NUP62CL: variants seen among roughly 807,000 people sequenced by gnomAD.
The protein encoded by NUP62CL is nucleoporin-62 C-terminal-like protein.
In NUP62CL, 13 loss-of-function variants were observed where a neutral mutation model predicts 15.3. The observed-to-expected ratio is 0.85, with a 90% CI of 0.55 to 1.35. NUP62CL has a LOEUF of 1.35. NUP62CL is among the 40% of genes most tolerant of loss of function. The probability of loss-of-function intolerance (pLI) is 0.00; values close to 1 mark genes in which losing one functional copy is unlikely to be tolerated. For missense variants in NUP62CL, 123 were observed against 130.6 expected, an observed-to-expected ratio of 0.94 and a Z score of 0.28; for synonymous variants, 54 against 49.2, an observed-to-expected ratio of 1.10 and a Z score of -0.41.
intron 2 of NUP62CL, among the ~76,000 whole-genome samples, chrX:107,179,976 CTCTG>C (rs774887670): frequency 5.6e-4 from 46 of 82,498 alleles, no homozygotes; most frequent in Admixed American, 1.1e-3. Context: ...CATTTTTTCT[CTCTG>C]TCTATGTCTC....
chrX:107,127,008 T>C (rs1299721706), intron 8 of NUP62CL, among the ~76,000 whole-genome samples: 2 of 109,477 alleles, frequency 1.8e-5, no homozygotes, highest in South Asian at 7.9e-4. Context: ...CACTCCAGTC[T>C]GGGTGACGAG....
At chrX:107,127,305 T>C (rs935150443) in intron 8 of NUP62CL, among the ~76,000 whole-genome samples, 2 of 111,500 alleles carry the variant, frequency 1.8e-5, no homozygotes, top group African/African-American at 6.5e-5. Context: ...GGGATAGAAA[T>C]GGGGAATAAC....
intron 8 of NUP62CL, among the ~76,000 whole-genome samples, chrX:107,142,263 T>A (rs1925788172): frequency 9.0e-6 from 1 of 110,851 alleles, no homozygotes; most frequent in Admixed American, 9.6e-5. Flanking sequence ...GTTAGTCAAA[T>A]CATGAGAGAC....
chrX:107,156,324 G>T (rs1384269826), intron 4 of NUP62CL, among the ~76,000 whole-genome samples: 1 of 103,987 alleles, frequency 9.6e-6, no homozygotes, highest in Non-Finnish European at 2.0e-5. Context: ...ACCTCTGGGG[G>T]CAGGGCACAG....
chrX:107,129,379 C>T (rs940028789), intron 8 of NUP62CL, among the ~76,000 whole-genome samples: 17 of 111,697 alleles, frequency 1.5e-4, no homozygotes, highest in African/African-American at 5.5e-4. Context: ...AGAGGGTGAA[C>T]CAAATAAGCT....
intron 8 of NUP62CL, among the ~76,000 whole-genome samples, chrX:107,144,691 T>C (rs1406813136): frequency 8.9e-6 from 1 of 111,907 alleles, no homozygotes; most frequent in Admixed American, 9.5e-5. Context: ...GAGTGTTTTC[T>C]AGTTACTGAC....
chrX:107,204,777 A>AATAAATTTTAAATAAATTATTTAT (rs2147821523), intron 1 of NUP62CL, among the ~76,000 whole-genome samples: 1 of 68,556 alleles, frequency 1.5e-5, no homozygotes, highest in Non-Finnish European at 2.6e-5. Context: ...AAATTATTTA[A>AATAAATTTTAAATAAATTATTTAT]ATAAATTTTA....
At chrX:107,141,920 T>G (rs1031121711) in intron 8 of NUP62CL, among the ~76,000 whole-genome samples, 1 of 108,749 alleles carries the variant, frequency 9.2e-6, no homozygotes, top group East Asian at 2.9e-4. Context: ...ATTAGCCGGG[T>G]ATGGTGGTGC....
At chrX:107,188,521 A>C (rs1927128624) in intron 2 of NUP62CL, among the ~76,000 whole-genome samples, 2 of 110,234 alleles carry the variant, frequency 1.8e-5, no homozygotes, top group South Asian at 8.0e-4. Flanking sequence ...ACTGCAGCTA[A>C]GACTATACTT....
intron 2 of NUP62CL, among the ~76,000 whole-genome samples, chrX:107,176,938 C>T (rs1249822845): frequency 9.0e-6 from 1 of 110,888 alleles, no homozygotes; most frequent in East Asian, 2.8e-4. Context: ...CTAGCCACTT[C>T]GATTCAACAA....
chrX:107,180,625 CA>C (rs1035933001), intron 2 of NUP62CL, among the ~76,000 whole-genome samples: 35 of 111,073 alleles, frequency 3.2e-4, no homozygotes, highest in Non-Finnish European at 5.7e-4. Context: ...CCATTTATAT[CA>C]AAAAAGGCAG....
At chrX:107,161,813 A>T (rs1440569891) in intron 4 of NUP62CL, among the ~76,000 whole-genome samples, 6 of 84,107 alleles carry the variant, frequency 7.1e-5, no homozygotes, top group Non-Finnish European at 1.2e-4. Context: ...ATAATAATAA[A>T]AAAAATTTAA....
intron 7 of NUP62CL, chrX:107,151,093 T>C (rs934389861): frequency 1.1e-5 from 3 of 269,168 alleles, no homozygotes; most frequent in Non-Finnish European, 2.2e-5. Flanking sequence ...TCAGTGGAGC[T>C]CAGTTATGAC....
At chrX:107,135,053 A>AT (rs1410937047) in intron 8 of NUP62CL, among the ~76,000 whole-genome samples, 2 of 110,947 alleles carry the variant, frequency 1.8e-5, no homozygotes, top group South Asian at 7.7e-4. Flanking sequence ...TTTATGTGAC[A>AT]TTTTTTTAGT....
chrX:107,200,471 TAGTC>T (rs1002572901), intron 1 of NUP62CL, among the ~76,000 whole-genome samples: 28 of 108,997 alleles, frequency 2.6e-4, no homozygotes, highest in African/African-American at 9.0e-4. Flanking sequence ...ATACAAAAAT[TAGTC>T]AGGCGTGGTG....
chrX:107,151,914 C>T (rs1926019126), intron 7 of NUP62CL, among the ~76,000 whole-genome samples: 1 of 103,197 alleles, frequency 9.7e-6, no homozygotes, highest in South Asian at 4.5e-4. Context: ...CCTGTAATCC[C>T]AGCTACTCAG....
intron 2 of NUP62CL, among the ~76,000 whole-genome samples, chrX:107,186,373 A>G (rs1338495533): frequency 2.7e-5 from 3 of 112,094 alleles, no homozygotes; most frequent in Non-Finnish European, 5.6e-5. Context: ...GCAAATTAAC[A>G]TAGCCATCAT....
chrX:107,179,167 TC>T (rs1174856182), intron 2 of NUP62CL, among the ~76,000 whole-genome samples: 1 of 111,646 alleles, frequency 9.0e-6, no homozygotes, highest in Non-Finnish European at 1.9e-5. Flanking sequence ...TCATTACCTA[TC>T]TGAGAGGTTG....
intron 8 of NUP62CL, among the ~76,000 whole-genome samples, chrX:107,132,839 A>G: frequency 8.9e-6 from 1 of 112,254 alleles, no homozygotes; most frequent in Non-Finnish European, 1.9e-5. Flanking sequence ...TTATTAAGTT[A>G]AGTATATAAG....
Sources: gnomAD v4.1 joint callset for allele counts (sites outside exome capture counted in the v4.1 genomes callset) on GRCh38, gnomAD v4.1.1 for gene constraint, MANE v1.5 for transcripts, NCBI Gene and HGNC (gene_info 2026-07-23, HGNC 2026-07-21) for gene names.